The following COP1 variants were observed in gnomAD, a reference collection of about 807,000 sequenced individuals.
COP1 encodes COP1 E3 ubiquitin ligase.
Under a neutral mutation model 101.3 loss-of-function variants are expected in COP1, and 24 were observed. The ratio of observed to expected loss-of-function variants is 0.24; its 90% confidence interval spans 0.17 to 0.33. The LOEUF is 0.33. Ranked by LOEUF, COP1 falls within the 10% of genes least tolerant of loss-of-function variation. The probability of loss-of-function intolerance (pLI) is 1.00; values close to 1 mark genes in which losing one functional copy is unlikely to be tolerated. For synonymous variants in COP1, 347 were observed against 341.9 expected (o/e 1.01, Z -0.17); for missense variants, 663 against 906.2 (o/e 0.73, Z 3.45).
intron 15 of COP1, among the ~76,000 whole-genome samples, chr1:176,000,273 A>G (rs1003948115): frequency 3.3e-5 from 5 of 152,178 alleles, no homozygotes; most frequent in Admixed American, 2.0e-4. Context: ...CTTGATTTTC[A>G]TATATGGTGA....
In COP1 at chr1:176,027,564, T is replaced by C; in HGVS notation, c.1729+8A>G. On this transcript the variant is annotated splice_region_variant and intron_variant, in intron 15 of 19. Coordinates refer to ENST00000367669, the MANE Select transcript of COP1 (RefSeq NM_022457.7). Reference sequence around the variant, plus strand: ...TCAAAGGAAGACAAATCTGCTTTCATTTCTTACCTGCACAGCCGAAAGCCA... The same window carrying C: ...TCAAAGGAAGACAAATCTGCTTTCACTTCTTACCTGCACAGCCGAAAGCCA... 1.3e-6 allele frequency: 2 copies of C among 1,549,274 alleles called. No homozygotes were observed. The highest frequency in any genetic ancestry group is 1.8e-6 in the Non-Finnish European group (2 of 1,121,490).
intron 3 of COP1, among the ~76,000 whole-genome samples, chr1:176,174,101 A>G (rs960882710): frequency 1.3e-5 from 2 of 151,622 alleles, no homozygotes; most frequent in Non-Finnish European, 2.9e-5. Context: ...CTCTCTCACT[A>G]TTTAGAAACT....
At chr1:176,067,615 A>AT in intron 11 of COP1, among the ~76,000 whole-genome samples, 1 of 152,140 alleles carries the variant, frequency 6.6e-6, no homozygotes, top group African/African-American at 2.4e-5. Flanking sequence ...TGGCCTCTCC[A>AT]TCAACCTCCC....
chr1:176,001,393 T>A (rs185838110), intron 15 of COP1, among the ~76,000 whole-genome samples: 1 of 152,290 alleles, frequency 6.6e-6, no homozygotes, highest in East Asian at 1.9e-4. Flanking sequence ...AGTAATTCTC[T>A]GTCAAATTTT....
chr1:176,124,305 A>T (rs978505313), intron 8 of COP1, among the ~76,000 whole-genome samples: 8 of 152,112 alleles, frequency 5.3e-5, no homozygotes, highest in Admixed American at 1.3e-4. Context: ...ATGTACAATT[A>T]AATTATTATT....
At chr1:176,185,493 T>A (rs932225661) in intron 1 of COP1, among the ~76,000 whole-genome samples, 1 of 152,212 alleles carries the variant, frequency 6.6e-6, no homozygotes, top group Non-Finnish European at 1.5e-5. Flanking sequence ...TTTTTTGTAC[T>A]TAGGATTGGC....
intron 3 of COP1, among the ~76,000 whole-genome samples, chr1:176,172,145 G>A (rs894270152): frequency 1.3e-5 from 2 of 152,092 alleles, no homozygotes; most frequent in African/African-American, 4.8e-5. Flanking sequence ...AAATCCTCAG[G>A]CTCACATGAT....
At chr1:175,992,053 C>T (rs372078802) in intron 15 of COP1, among the ~76,000 whole-genome samples, 2 of 152,042 alleles carry the variant, frequency 1.3e-5, no homozygotes, top group African/African-American at 4.8e-5. Flanking sequence ...TATACGTAAT[C>T]GTATGTGCTA....
chr1:176,164,789 ATCTT>A (rs899218718), intron 3 of COP1, among the ~76,000 whole-genome samples: 2 of 152,332 alleles, frequency 1.3e-5, no homozygotes, highest in East Asian at 1.9e-4. Flanking sequence ...TTTAAATTGG[ATCTT>A]TCTATTTTTC....
chr1:176,118,930 A>C (rs1339786246), intron 8 of COP1, among the ~76,000 whole-genome samples: 2 of 152,216 alleles, frequency 1.3e-5, no homozygotes, highest in Non-Finnish European at 2.9e-5. Flanking sequence ...CGTATCAATG[A>C]AAAAATAAAG....
chr1:176,128,077 G>T lies in COP1; in HGVS notation c.968+6933C>A, dbSNP rs138316488. On this transcript the variant is annotated intron_variant, in intron 8 of 19. Coordinates refer to ENST00000367669, the MANE Select transcript of COP1 (RefSeq NM_022457.7). The stretch of plus-strand genomic sequence containing the variant: ...TCCTTTACTCATTTTAAAAATAGGG[G>T]TGTTTCATTGAGTATTTGTATATTT... 2.6e-3 allele frequency among the ~76,000 whole-genome samples: 400 copies of T among 152,052 alleles called. 3 individuals are homozygous for T. The highest frequency in any genetic ancestry group is 9.2e-3 in the African/African-American group (381 of 41,516).
At chr1:176,171,015 C>T (rs1413715063) in intron 3 of COP1, among the ~76,000 whole-genome samples, 1 of 150,494 alleles carries the variant, frequency 6.6e-6, no homozygotes, top group Non-Finnish European at 1.5e-5. Context: ...ATCCCAGCTA[C>T]TCAGGAGGCT....
chr1:176,202,377 T>A (rs1377507358), intron 1 of COP1, among the ~76,000 whole-genome samples: 1 of 151,800 alleles, frequency 6.6e-6, no homozygotes, highest in African/African-American at 2.4e-5. Flanking sequence ...TTTGTAGAGA[T>A]GGGGTTTCGT....
At chr1:176,064,903 G>A (rs113111362) in intron 11 of COP1, among the ~76,000 whole-genome samples, 2,990 of 152,204 alleles carry the variant, frequency 0.02, 112 homozygotes, top group African/African-American at 0.068. Context: ...GATTTTAAGC[G>A]TGAGCCACCA....
intron 5 of COP1, among the ~76,000 whole-genome samples, chr1:176,151,999 G>A (rs1224355948): frequency 2.7e-5 from 4 of 149,638 alleles, no homozygotes; most frequent in East Asian, 2.0e-4. Flanking sequence ...AATGGCATAC[G>A]CAAGTTATTT....
chr1:176,010,811 TA>T (rs1664525492), intron 15 of COP1, among the ~76,000 whole-genome samples: 1 of 152,166 alleles, frequency 6.6e-6, no homozygotes, highest in African/African-American at 2.4e-5. Context: ...ACAAAAACCA[TA>T]CAAATACTTT....
At chr1:175,981,544 A>ATAAGACTGAAAACTG (rs1468140069) in intron 18 of COP1, among the ~76,000 whole-genome samples, 1 of 152,184 alleles carries the variant, frequency 6.6e-6, no homozygotes, top group African/African-American at 2.4e-5. Context: ...AGGCTTAAAC[A>ATAAGACTGAAAACTG]TAAGACTGAA....
At chr1:176,128,709 A>G (rs986473292) in intron 8 of COP1, among the ~76,000 whole-genome samples, 1 of 151,994 alleles carries the variant, frequency 6.6e-6, no homozygotes, top group South Asian at 2.1e-4. Flanking sequence ...AATTTCCTGT[A>G]TTGTCATAAT....
chr1:175,946,428 C>A (rs1649178518), intron 19 of COP1, among the ~76,000 whole-genome samples: 1 of 152,134 alleles, frequency 6.6e-6, no homozygotes, highest in African/African-American at 2.4e-5. Flanking sequence ...AAAATTAATG[C>A]TAAGTGGCAG....
Sources: gnomAD v4.1 joint callset for allele counts (sites outside exome capture counted in the v4.1 genomes callset) on GRCh38, gnomAD v4.1.1 for gene constraint, MANE v1.5 for transcripts, NCBI Gene and HGNC (gene_info 2026-07-23, HGNC 2026-07-21) for gene names.